The following FHIT variants were observed in gnomAD, a reference collection of about 807,000 sequenced individuals.
FHIT encodes the protein bis(5'-adenosyl)-triphosphatase.
Under a neutral mutation model 17.9 loss-of-function variants are expected in FHIT, and 19 were observed. The ratio of observed to expected loss-of-function variants is 1.06; its 90% CI spans 0.74 to 1.56. FHIT has a LOEUF of 1.56. Among genes scored for constraint, FHIT ranks in the 40% most tolerant of loss-of-function variants. The pLI is 0.00. For missense variants in FHIT, 248 were observed against 189.2 expected, an observed-to-expected ratio of 1.31 and a Z score of -1.82; for synonymous variants, 81 against 69.7, an observed-to-expected ratio of 1.16 and a Z score of -0.81.
chr3:59,958,650 A>G (rs192564631), intron 7 of FHIT, among the ~76,000 whole-genome samples: 2 of 152,208 alleles, frequency 1.3e-5, no homozygotes, highest in Non-Finnish European at 2.9e-5. Context: ...GACAGTAAAC[A>G]ATGCCTTGGT....
chr3:60,254,089 A>G (rs116568112), intron 5 of FHIT, among the ~76,000 whole-genome samples: 176 of 152,268 alleles, frequency 1.2e-3, no homozygotes, highest in African/African-American at 4.0e-3. Context: ...ACACACATAT[A>G]GGCACACACT....
At chr3:60,507,151 G>A (rs1012370045) in intron 5 of FHIT, among the ~76,000 whole-genome samples, 3 of 152,168 alleles carry the variant, frequency 2.0e-5, no homozygotes, top group African/African-American at 7.2e-5. Context: ...CAAGACTGAG[G>A]TTTCAAAAGA....
chr3:59,865,848 G>T (rs752942362), intron 8 of FHIT, among the ~76,000 whole-genome samples: 1 of 152,130 alleles, frequency 6.6e-6, no homozygotes, highest in Non-Finnish European at 1.5e-5. Context: ...ATTCAGAGTG[G>T]GGAGTGAGAG....
chr3:60,482,072 AC>A (rs2033633277), intron 5 of FHIT, among the ~76,000 whole-genome samples: 1 of 152,236 alleles, frequency 6.6e-6, no homozygotes, highest in South Asian at 2.1e-4. Context: ...ATCAAAAAAG[AC>A]AAAGAAGGTT....
intron 8 of FHIT, among the ~76,000 whole-genome samples, chr3:59,895,665 T>TG (rs1305599903): frequency 6.6e-6 from 1 of 152,226 alleles, no homozygotes; most frequent in East Asian, 1.9e-4. Context: ...TCTCCTTCCA[T>TG]GAAGCCTAAG....
chr3:61,022,597 A>T (rs966780159), intron 3 of FHIT, among the ~76,000 whole-genome samples: 1 of 152,254 alleles, frequency 6.6e-6, no homozygotes, highest in Non-Finnish European at 1.5e-5. Context: ...AATCTTCAAT[A>T]AAATACTGGC....
intron 5 of FHIT, among the ~76,000 whole-genome samples, chr3:60,248,510 G>A (rs898566922): frequency 1.3e-5 from 2 of 152,106 alleles, no homozygotes; most frequent in African/African-American, 4.8e-5. Context: ...GCAGGTAAAG[G>A]ACACAGCACC....
chr3:60,277,921 G>T (rs1707235568), intron 5 of FHIT, among the ~76,000 whole-genome samples: 3 of 151,920 alleles, frequency 2.0e-5, no homozygotes, highest in Non-Finnish European at 4.4e-5. Context: ...TTTACGACAA[G>T]GAAAAAAGAT....
At chr3:60,981,686 G>A (rs953434712) in intron 3 of FHIT, among the ~76,000 whole-genome samples, 2 of 151,996 alleles carry the variant, frequency 1.3e-5, no homozygotes, top group Non-Finnish European at 2.9e-5. Context: ...ATAGCACACT[G>A]TAGCTTCAAA....
chr3:59,912,753 G>A (rs1040463173), intron 8 of FHIT, among the ~76,000 whole-genome samples: 5 of 152,214 alleles, frequency 3.3e-5, no homozygotes, highest in African/African-American at 4.8e-5. Context: ...GAGTTCCTTA[G>A]TTACCACTAA....
chr3:60,543,702 C>A (rs1350255951), intron 4 of FHIT, among the ~76,000 whole-genome samples: 1 of 151,980 alleles, frequency 6.6e-6, no homozygotes, highest in Non-Finnish European at 1.5e-5. Flanking sequence ...TAGCTGAACT[C>A]TTGCATTGCT....
At chr3:59,983,090 CA>C (rs1708727239) in intron 7 of FHIT, among the ~76,000 whole-genome samples, 1 of 151,884 alleles carries the variant, frequency 6.6e-6, no homozygotes, top group African/African-American at 2.4e-5. Context: ...AGGCATGTGC[CA>C]CCATGCCCAG....
intron 8 of FHIT, among the ~76,000 whole-genome samples, chr3:59,848,263 G>T (rs1382251315): frequency 6.6e-6 from 1 of 152,122 alleles, no homozygotes; most frequent in Non-Finnish European, 1.5e-5. Context: ...CCTTTCCCTG[G>T]AATATTCAGG....
intron 4 of FHIT, among the ~76,000 whole-genome samples, chr3:60,615,675 C>T (rs782505226): frequency 6.6e-6 from 1 of 152,140 alleles, no homozygotes; most frequent in Admixed American, 6.5e-5. Flanking sequence ...CTGCCAGATG[C>T]TGCAAGATAT....
intron 5 of FHIT, among the ~76,000 whole-genome samples, chr3:60,106,013 G>C (rs1439101339): frequency 6.6e-5 from 10 of 152,164 alleles, no homozygotes; most frequent in Non-Finnish European, 1.5e-4. Flanking sequence ...TCAACTGCAA[G>C]CAGTTCTGAG....
intron 5 of FHIT, among the ~76,000 whole-genome samples, chr3:60,387,876 G>A (rs1014480559): frequency 6.6e-6 from 1 of 152,086 alleles, no homozygotes; most frequent in Non-Finnish European, 1.5e-5. Flanking sequence ...GGGTCCCAGG[G>A]GCGGATCCCA....
chr3:60,716,727 T>C (rs1716712), intron 4 of FHIT, among the ~76,000 whole-genome samples: 147,678 of 152,268 alleles, frequency 0.97, 71,670 homozygotes, highest in East Asian at 1. Flanking sequence ...ATGTACTGTA[T>C]GTAATTGTAT....
intron 5 of FHIT, among the ~76,000 whole-genome samples, chr3:60,177,396 T>G (rs1379205321): frequency 2.0e-5 from 3 of 152,058 alleles, no homozygotes; most frequent in Non-Finnish European, 4.4e-5. Context: ...CTAAAGGCAT[T>G]CACAAAGGTA....
At chr3:59,792,121 A>C (rs1263274677) in intron 8 of FHIT, among the ~76,000 whole-genome samples, 4 of 151,568 alleles carry the variant, frequency 2.6e-5, no homozygotes, top group African/African-American at 9.7e-5. Context: ...TGGAATGACT[A>C]ATCCTAGGTG....
Sources: allele counts gnomAD v4.1 joint callset (sites outside exome capture counted in the v4.1 genomes callset), GRCh38; gene constraint gnomAD v4.1.1; transcripts MANE v1.5; gene names NCBI Gene and HGNC (gene_info 2026-07-23, HGNC 2026-07-21).